FBRSL1: variants seen among roughly 807,000 people sequenced by gnomAD.
FBRSL1 encodes the protein fibrosin-1-like protein.
FBRSL1 carries 51 observed loss-of-function variants against 89.6 expected under a neutral mutation model. That is an observed-to-expected ratio of 0.57 (90% CI 0.45 to 0.72). The LOEUF is 0.72. Ranked by LOEUF, FBRSL1 falls within the 30% of genes least tolerant of loss-of-function variation. The pLI is 0.00. For synonymous variants in FBRSL1, 779 were observed against 681.1 expected, an observed-to-expected ratio of 1.14 and a Z score of -2.24; for missense variants, 1,618 against 1,451.8, an observed-to-expected ratio of 1.11 and a Z score of -1.86.
chr12:132,547,855 C>T lies in FBRSL1; in HGVS notation c.616-148C>T, dbSNP rs1041108986. 10 of 790,226 alleles carry T rather than the reference C, an allele frequency of 1.3e-5. No homozygotes were observed. The Admixed American group carries it at 1.4e-4, about 11-fold the overall frequency. The allele number at this position is 790,226 out of a possible 1,614,324, so 49.0% of individuals were successfully genotyped here. ...TGGCCCAGGTTCCTCCTAACCGCCC[C>T]GACCACCTGGGCCTGCTGGTACCTC... On this transcript the variant is annotated intron_variant, in intron 4 of 18. Transcript: ENST00000680143.
intron 16 of FBRSL1, 67 bp downstream of exon 16, chr12:132,581,583 T>G: frequency 2.0e-6 from 3 of 1,526,424 alleles, no homozygotes; most frequent in Non-Finnish European, 2.7e-6. Context: ...GCGGGGGAAT[T>G]AGGTGGGCGG....
intron 4 of FBRSL1, among the ~76,000 whole-genome samples, chr12:132,537,709 G>A (rs1331797466): frequency 6.6e-6 from 1 of 152,196 alleles, no homozygotes; most frequent in African/African-American, 2.4e-5. Context: ...CCCCCACGAG[G>A]ATAGTTTTGT....
chr12:132,571,615 C>G (rs933459412), intron 9 of FBRSL1: 26 of 942,180 alleles, frequency 2.8e-5, no homozygotes, highest in African/African-American at 5.3e-5. Context: ...CGCACACACA[C>G]CAGCCCAGGA....
At chr12:132,524,508 T>C (rs920596634) in intron 2 of FBRSL1, among the ~76,000 whole-genome samples, 1 of 152,194 alleles carries the variant, frequency 6.6e-6, no homozygotes, top group Non-Finnish European at 1.5e-5. Flanking sequence ...GAGCCGAAGG[T>C]CGGCAGGGAG....
At chr12:132,548,907 G>A (rs1004204261) in intron 5 of FBRSL1, among the ~76,000 whole-genome samples, 14 of 152,346 alleles carry the variant, frequency 9.2e-5, no homozygotes, top group Admixed American at 7.8e-4. Context: ...CCAGGGAGAC[G>A]CTGCCCTGGG....
At chr12:132,512,711 G>A (rs1055653766) in intron 2 of FBRSL1, among the ~76,000 whole-genome samples, 19 of 152,260 alleles carry the variant, frequency 1.2e-4, no homozygotes, top group Non-Finnish European at 2.6e-4. Context: ...GAGGGAGTGG[G>A]GAGGGGCCAT....
intron 2 of FBRSL1, among the ~76,000 whole-genome samples, chr12:132,523,185 G>A (rs1030075606): frequency 8.5e-5 from 13 of 152,150 alleles, no homozygotes; most frequent in Non-Finnish European, 1.5e-4. Flanking sequence ...TGGCCTCCCC[G>A]GCCCCTGGTG....
At chr12:132,559,305 G>C (rs1252490736) in intron 5 of FBRSL1, among the ~76,000 whole-genome samples, 2 of 152,252 alleles carry the variant, frequency 1.3e-5, no homozygotes, top group African/African-American at 4.8e-5. Context: ...AGAAACCGAG[G>C]CCCAGGGAGG....
At chr12:132,504,950 T>C (rs554017071) in intron 1 of FBRSL1, among the ~76,000 whole-genome samples, 2 of 152,166 alleles carry the variant, frequency 1.3e-5, no homozygotes, top group South Asian at 4.1e-4. Flanking sequence ...GCCAACATGG[T>C]GAAATTCTGT....
intron 5 of FBRSL1, chr12:132,565,573 G>A (rs2039554479): frequency 6.6e-6 from 1 of 152,270 alleles, no homozygotes; most frequent in Non-Finnish European, 1.5e-5. Flanking sequence ...GTATCCGTGT[G>A]TGTACGTACC....
At chr12:132,553,008 C>G (rs2038322661) in intron 5 of FBRSL1, 1 of 152,978 alleles carries the variant, frequency 6.5e-6, no homozygotes, top group South Asian at 2.0e-4. Context: ...TGGCCGCCGG[C>G]AGGCCAGGCA....
intron 4 of FBRSL1, among the ~76,000 whole-genome samples, chr12:132,542,701 G>T (rs1453556226): frequency 1.3e-5 from 2 of 152,150 alleles, no homozygotes; most frequent in Non-Finnish European, 2.9e-5. Context: ...TGGCCCCTCT[G>T]TCTCCTATCT....
intron 2 of FBRSL1, among the ~76,000 whole-genome samples, chr12:132,525,051 T>G (rs1334657014): frequency 7.8e-6 from 1 of 127,644 alleles, no homozygotes; most frequent in African/African-American, 3.0e-5. Context: ...GTGTCAGGGG[T>G]GGTGGCGGTG....
At chr12:132,581,391 C>A in intron 15 of FBRSL1, 48 bp from the exon 16 acceptor site, 1 of 1,550,654 alleles carries the variant, frequency 6.4e-7, no homozygotes, top group Non-Finnish European at 8.7e-7. Flanking sequence ...AGATGGGAGG[C>A]CCTGGTGCTC....
At chr12:132,547,077 T>A (rs2037749799) in intron 4 of FBRSL1, among the ~76,000 whole-genome samples, 1 of 152,174 alleles carries the variant, frequency 6.6e-6, no homozygotes, top group Non-Finnish European at 1.5e-5. Flanking sequence ...CAGGAGGGGA[T>A]TTTTCCCCTT....
intron 5 of FBRSL1, among the ~76,000 whole-genome samples, chr12:132,564,007 G>A (rs1361002340): frequency 2.7e-5 from 4 of 147,760 alleles, no homozygotes; most frequent in Non-Finnish European, 3.0e-5. Flanking sequence ...TGCACCCCTC[G>A]GCTGCTGTGG....
At chr12:132,570,585 G>GA in intron 8 of FBRSL1, 45 bp downstream of exon 8, 2 of 1,426,720 alleles carry the variant, frequency 1.4e-6, no homozygotes, top group African/African-American at 1.5e-5. Context: ...GGGTTGGGGG[G>GA]TGCGGGGACA....
chr12:132,572,368 C>A lies in FBRSL1; in HGVS notation c.1434+24C>A, dbSNP rs776610542. The A allele has an allele frequency of 5.2e-6, 8 of 1,550,232 alleles. No individual in the cohort carries two copies. In the South Asian group the frequency reaches 9.5e-5, roughly 18 times the overall value. ...GTGTGAGTGTCCCCGAGGGGCCCGG[C>A]GCGTGTCGCTGTGCACGCAGGTCCT... On this transcript the variant is annotated intron_variant, in intron 10 of 18. Transcript: ENST00000680143.
At chr12:132,494,561 C>A (rs1395249116) in intron 1 of FBRSL1, among the ~76,000 whole-genome samples, 5 of 152,234 alleles carry the variant, frequency 3.3e-5, no homozygotes, top group Non-Finnish European at 5.9e-5. Context: ...TGCGCCTGGG[C>A]CACAGGGAGG....
Sources: allele counts gnomAD v4.1 joint callset (sites outside exome capture counted in the v4.1 genomes callset), GRCh38; gene constraint gnomAD v4.1.1; transcripts MANE v1.5; gene names NCBI Gene and HGNC (gene_info 2026-07-23, HGNC 2026-07-21).